The following GPC5 variants were observed in gnomAD, a reference collection of about 807,000 sequenced individuals.
GPC5 encodes the protein glypican-5.
Under a neutral mutation model 53.9 loss-of-function variants are expected in GPC5, and 47 were observed. That is an observed-to-expected ratio of 0.87 (90% confidence interval 0.69 to 1.11). The LOEUF (loss-of-function observed/expected upper bound fraction) is 1.11, where lower values mean the gene tolerates loss of function less well. Ranked by LOEUF, GPC5 falls within the 50% of genes most tolerant of loss-of-function variation. GPC5 has a pLI of 0.00. For missense variants in GPC5, 748 were observed against 713.1 expected (o/e 1.05, Z -0.56); for synonymous variants, 286 against 263.3 (o/e 1.09, Z -0.84).
chr13:91,838,521 G>A (rs1304473877), intron 5 of GPC5, among the ~76,000 whole-genome samples: 1 of 151,968 alleles, frequency 6.6e-6, no homozygotes, highest in East Asian at 1.9e-4. Flanking sequence ...GAGTAGAGAT[G>A]TAAATGTTAA....
At chr13:91,901,623 AC>A (rs1205538235) in intron 5 of GPC5, among the ~76,000 whole-genome samples, 4 of 152,084 alleles carry the variant, frequency 2.6e-5, no homozygotes, top group African/African-American at 9.7e-5. Context: ...CCTTGCTTTC[AC>A]ATTTGCTGTC....
At chr13:91,992,815 C>T (rs2040469164) in intron 6 of GPC5, among the ~76,000 whole-genome samples, 1 of 152,126 alleles carries the variant, frequency 6.6e-6, no homozygotes. Flanking sequence ...GCTCAATAAA[C>T]ATGCCACTGC....
intron 2 of GPC5, among the ~76,000 whole-genome samples, chr13:91,581,707 C>A (rs2032367122): frequency 6.6e-6 from 1 of 152,160 alleles, no homozygotes; most frequent in Non-Finnish European, 1.5e-5. Context: ...ATTATCAATG[C>A]AGGGTTTTAA....
At position 92,354,199 on chromosome 13, in the gene GPC5, G is replaced by A. The variant is rs539966085; in HGVS notation, c.1561+209210G>A. ...AAGCTTTTGCTCTATAACTTGACAA[G>A]TAATTCTGATAACAAGTTGTACTGA... is the stretch of plus-strand genomic sequence containing the variant. On this transcript the variant is annotated intron_variant, in intron 7 of 7. Coordinates refer to ENST00000377067, the MANE Select transcript of GPC5 (RefSeq NM_004466.6). 2.0e-5 allele frequency among the ~76,000 whole-genome samples: 3 copies of A among 152,308 alleles called. No homozygotes were observed. In the East Asian group the frequency reaches 5.8e-4, roughly 29 times the overall value.
chr13:92,462,734 C>G lies in GPC5; in HGVS notation c.1561+317745C>G, dbSNP rs1285795020. On this transcript the variant is annotated intron_variant, in intron 7 of 7. Coordinates refer to ENST00000377067, the MANE Select transcript of GPC5 (RefSeq NM_004466.6). ...TGTTCATGTCTTTTTTTTTTTTTTT[C>G]GCCCGGAGTTTTTCTCTTGCTGCCC... is the stretch of plus-strand genomic sequence containing the variant. Among the ~76,000 whole-genome samples the G allele has an allele frequency of 2.4e-4, 19 of 80,796 alleles. No homozygotes were observed. In the South Asian group the frequency reaches 5.0e-3, roughly 21 times the overall value. The allele number at this position is 80,796 out of a possible 152,430, so 53.0% of individuals were successfully genotyped here. A position where few individuals can be genotyped will look rare whatever the true frequency, so the allele number is the denominator to read the frequency against.
chr13:92,615,464 T>A (rs1884649356), intron 7 of GPC5, among the ~76,000 whole-genome samples: 1 of 152,146 alleles, frequency 6.6e-6, no homozygotes, highest in Non-Finnish European at 1.5e-5. Context: ...ACATACACAG[T>A]GACGACAAAA....
At chr13:92,527,172 GAGAA>G (rs373053324) in intron 7 of GPC5, among the ~76,000 whole-genome samples, 1,662 of 60,980 alleles carry the variant, frequency 0.027, 184 homozygotes, top group Middle Eastern at 0.048. Context: ...AAGAAAGAAA[GAGAA>G]AGAAAGAAGA....
At chr13:91,565,091 G>A (rs959546935) in intron 2 of GPC5, among the ~76,000 whole-genome samples, 11 of 151,886 alleles carry the variant, frequency 7.2e-5, no homozygotes, top group African/African-American at 2.4e-4. Context: ...CTGGGTTCAA[G>A]CAATTCTCCT....
chr13:92,846,047 G>A (rs1450317690), intron 7 of GPC5, among the ~76,000 whole-genome samples: 3 of 152,048 alleles, frequency 2.0e-5, no homozygotes, highest in Non-Finnish European at 2.9e-5. Context: ...CCCGAGACTG[G>A]GTAATTTACA....
chr13:92,577,372 C>CTAGA (rs752866031), intron 7 of GPC5, among the ~76,000 whole-genome samples: 1 of 149,026 alleles, frequency 6.7e-6, no homozygotes, highest in Non-Finnish European at 1.5e-5. Flanking sequence ...TACTATATAG[C>CTAGA]TAGATAGATA....
intron 7 of GPC5, among the ~76,000 whole-genome samples, chr13:92,398,542 T>C (rs1875404072): frequency 6.6e-6 from 1 of 152,114 alleles, no homozygotes; most frequent in African/African-American, 2.4e-5. Context: ...TCCTCCCTTT[T>C]CTTTAGATGT....
intron 6 of GPC5, among the ~76,000 whole-genome samples, chr13:91,914,313 G>A (rs1367587868): frequency 6.6e-6 from 1 of 152,058 alleles, no homozygotes; most frequent in East Asian, 1.9e-4. Flanking sequence ...TTATTGCAAA[G>A]CCAATAAATG....
chr13:91,629,094 T>C (rs1327959346), intron 2 of GPC5, among the ~76,000 whole-genome samples: 1 of 152,176 alleles, frequency 6.6e-6, no homozygotes, highest in Non-Finnish European at 1.5e-5. Flanking sequence ...GGAGGCATCA[T>C]GATTGTGATT....
intron 1 of GPC5, among the ~76,000 whole-genome samples, chr13:91,434,184 G>T (rs1393257642): frequency 6.6e-6 from 1 of 152,152 alleles, no homozygotes; most frequent in Non-Finnish European, 1.5e-5. Flanking sequence ...TTCTTTTGCT[G>T]TGCAGAAACT....
chr13:91,657,885 A>G (rs1351056194), intron 2 of GPC5, among the ~76,000 whole-genome samples: 1 of 152,176 alleles, frequency 6.6e-6, no homozygotes, highest in Non-Finnish European at 1.5e-5. Flanking sequence ...AAAAAAATAC[A>G]TTTGTTTGGA....
chr13:92,222,476 T>A (rs777681562), intron 7 of GPC5, among the ~76,000 whole-genome samples: 1 of 152,152 alleles, frequency 6.6e-6, no homozygotes, highest in Non-Finnish European at 1.5e-5. Flanking sequence ...AAGAAGAAAG[T>A]GATAATTCAA....
intron 1 of GPC5, among the ~76,000 whole-genome samples, chr13:91,434,350 C>A (rs1405639139): frequency 4.6e-5 from 7 of 152,054 alleles, no homozygotes; most frequent in African/African-American, 1.7e-4. Context: ...ACATTTAAGT[C>A]TTTAATCCAT....
intron 2 of GPC5, among the ~76,000 whole-genome samples, chr13:91,674,302 A>G (rs952022280): frequency 4.6e-5 from 7 of 151,976 alleles, no homozygotes; most frequent in African/African-American, 1.7e-4. Flanking sequence ...CCCAGTGTGG[A>G]TGGACCTCAT....
chr13:92,102,714 A>G (rs1049907379), intron 6 of GPC5, among the ~76,000 whole-genome samples: 3 of 152,222 alleles, frequency 2.0e-5, no homozygotes, highest in African/African-American at 7.2e-5. Flanking sequence ...AAAAGAATCT[A>G]TAAGTAAAGA....
Sources: gnomAD v4.1 joint callset for allele counts (sites outside exome capture counted in the v4.1 genomes callset) on GRCh38, gnomAD v4.1.1 for gene constraint, MANE v1.5 for transcripts, NCBI Gene and HGNC (gene_info 2026-07-23, HGNC 2026-07-21) for gene names.